Variants in DPP10 observed in about 807,000 individuals in gnomAD.
The protein encoded by DPP10 is dipeptidyl peptidase like 10, also known as inactive dipeptidyl peptidase 10.
In DPP10, 33 loss-of-function variants were observed where a neutral mutation model predicts 120.9. The observed-to-expected ratio is 0.27, with a 90% CI of 0.21 to 0.37. The LOEUF (loss-of-function observed/expected upper bound fraction) is 0.37. Ranked by LOEUF, DPP10 falls within the 10% of genes least tolerant of loss-of-function variation. DPP10 has a pLI of 1.00. For synonymous variants in DPP10, 337 were observed against 326.1 expected (o/e 1.03, Z -0.36); for missense variants, 816 against 942.8 (o/e 0.87, Z 1.76).
intron 3 of DPP10, among the ~76,000 whole-genome samples, chr2:115,483,774 A>G (rs1483537446): frequency 1.3e-5 from 2 of 152,166 alleles, no homozygotes; most frequent in South Asian, 2.1e-4. Context: ...TCCTTGGCCA[A>G]TCTGATTATT....
chr2:114,997,616 C>A (rs1443623352), intron 1 of DPP10, among the ~76,000 whole-genome samples: 1 of 150,694 alleles, frequency 6.6e-6, no homozygotes, highest in East Asian at 1.9e-4. Flanking sequence ...TACAAAAAAA[C>A]AAGATTTGCT....
Position 114,725,873 on chromosome 2 carries a change from T to C in DPP10, c.60+283035T>C, listed in dbSNP as rs142088751. 5.7e-3 allele frequency among the ~76,000 whole-genome samples: 867 copies of C among 152,202 alleles called. 7 individuals are homozygous for C. Among genetic ancestry groups the C allele is most frequent in the Non-Finnish European group, 8.5e-3 (578 of 68,012 alleles). On this transcript the variant is annotated intron_variant, in intron 1 of 25. Coordinates refer to ENST00000410059, the MANE Select transcript of DPP10 (RefSeq NM_020868.6). Reference sequence around the variant, plus strand: ...CTTCCCTGCATCTCCTAAACCGAAATGACAAACCAAAACATTTTAGAGACC... The same window carrying C: ...CTTCCCTGCATCTCCTAAACCGAAACGACAAACCAAAACATTTTAGAGACC...
intron 2 of DPP10, among the ~76,000 whole-genome samples, chr2:115,336,599 C>CTCTA (rs1217201736): frequency 2.1e-5 from 3 of 145,786 alleles, no homozygotes; most frequent in Non-Finnish European, 4.5e-5. Context: ...CTCTCTCTCT[C>CTCTA]TATATATATA....
intron 1 of DPP10, among the ~76,000 whole-genome samples, chr2:115,177,749 GTTTTGT>G (rs2053791268): frequency 3.5e-5 from 4 of 112,966 alleles, no homozygotes; most frequent in East Asian, 4.3e-4. Flanking sequence ...CTTTTGTTTT[GTTTTGT>G]TTTTGTTTTT....
intron 21 of DPP10, among the ~76,000 whole-genome samples, chr2:115,818,504 AG>A (rs748633613): frequency 6.6e-6 from 1 of 152,204 alleles, no homozygotes; most frequent in East Asian, 1.9e-4. Context: ...GAAGATTCAA[AG>A]GGTTGTAAAA....
intron 3 of DPP10, among the ~76,000 whole-genome samples, chr2:115,403,316 C>T (rs2068242601): frequency 6.6e-6 from 1 of 150,674 alleles, no homozygotes; most frequent in African/African-American, 2.4e-5. Context: ...GAAAGCATTT[C>T]CTGTAAGATC....
chr2:114,760,227 C>T (rs1680160563), intron 1 of DPP10, among the ~76,000 whole-genome samples: 1 of 152,152 alleles, frequency 6.6e-6, no homozygotes, highest in Non-Finnish European at 1.5e-5. Context: ...TGAGCATTGG[C>T]TGCTAATAGT....
intron 5 of DPP10, among the ~76,000 whole-genome samples, chr2:115,656,564 C>T (rs753374436): frequency 8.6e-5 from 13 of 151,622 alleles, no homozygotes; most frequent in African/African-American, 2.9e-4. Context: ...GGGATTTACT[C>T]GTCATTAAGT....
intron 1 of DPP10, among the ~76,000 whole-genome samples, chr2:114,669,304 C>T (rs1698159862): frequency 6.6e-6 from 1 of 152,116 alleles, no homozygotes; most frequent in African/African-American, 2.4e-5. Context: ...ATGCAAAAAG[C>T]ATTTGTGTAA....
At chr2:115,427,263 C>T (rs1056028444) in intron 3 of DPP10, among the ~76,000 whole-genome samples, 1 of 152,190 alleles carries the variant, frequency 6.6e-6, no homozygotes, top group African/African-American at 2.4e-5. Context: ...GGCAATGTCC[C>T]AGCTGGGACT....
chr2:115,017,260 C>G (rs985085644), intron 1 of DPP10, among the ~76,000 whole-genome samples: 4 of 151,612 alleles, frequency 2.6e-5, no homozygotes, highest in South Asian at 2.1e-4. Context: ...AAATGCTCAT[C>G]ATCACTGGCC....
At chr2:114,799,261 G>A (rs937594741) in intron 1 of DPP10, among the ~76,000 whole-genome samples, 4 of 152,178 alleles carry the variant, frequency 2.6e-5, no homozygotes, top group African/African-American at 9.7e-5. Flanking sequence ...TCAACTGACT[G>A]CATCAAAACT....
chr2:115,779,460 G>A (rs943929153), intron 15 of DPP10, among the ~76,000 whole-genome samples: 3 of 152,000 alleles, frequency 2.0e-5, no homozygotes, highest in Admixed American at 6.6e-5. Flanking sequence ...GCAGGAGTAG[G>A]ACTGCTACCG....
chr2:114,445,440 G>A (rs189173316), intron 1 of DPP10, among the ~76,000 whole-genome samples: 37 of 151,856 alleles, frequency 2.4e-4, no homozygotes, highest in Non-Finnish European at 4.1e-4. Flanking sequence ...GTTAAACTAC[G>A]GCTAAAAAGA....
intron 5 of DPP10, among the ~76,000 whole-genome samples, chr2:115,598,294 G>A (rs555924533): frequency 4.2e-4 from 63 of 151,518 alleles, no homozygotes; most frequent in African/African-American, 1.5e-3. Context: ...TTTTATTACT[G>A]GTTTCTATGA....
chr2:114,997,690 A>G (rs2104976990), intron 1 of DPP10, among the ~76,000 whole-genome samples: 1 of 152,306 alleles, frequency 6.6e-6, no homozygotes, highest in African/African-American at 2.4e-5. Flanking sequence ...TAAAATCTAG[A>G]AATAGGGATG....
intron 1 of DPP10, among the ~76,000 whole-genome samples, chr2:115,027,450 G>A (rs1703544713): frequency 6.6e-6 from 1 of 151,990 alleles, no homozygotes; most frequent in South Asian, 2.1e-4. Flanking sequence ...TTGCATTCTT[G>A]GGATGAATCT....
intron 3 of DPP10, among the ~76,000 whole-genome samples, chr2:115,451,313 T>G (rs2073090946): frequency 6.6e-6 from 1 of 151,916 alleles, no homozygotes; most frequent in Admixed American, 6.6e-5. Context: ...TATAATTTAT[T>G]ATTTAAGAAA....
At chr2:115,384,517 AGAAGAG>A (rs1302297282) in intron 3 of DPP10, among the ~76,000 whole-genome samples, 1 of 145,498 alleles carries the variant, frequency 6.9e-6, no homozygotes, top group African/African-American at 2.6e-5. Flanking sequence ...AGAAGAAGGA[AGAAGAG>A]GAAGAAGAAG....
Sources: gnomAD v4.1 joint callset for allele counts (sites outside exome capture counted in the v4.1 genomes callset) on GRCh38, gnomAD v4.1.1 for gene constraint, MANE v1.5 for transcripts, NCBI Gene and HGNC (gene_info 2026-07-23, HGNC 2026-07-21) for gene names.